EFL1: variants seen among roughly 807,000 people sequenced by gnomAD.
EFL1 encodes elongation factor like GTPase 1, also known as elongation factor-like GTPase 1.
In EFL1, 76 loss-of-function variants were observed where a neutral mutation model predicts 126.7. The observed-to-expected ratio is 0.60, with a 90% CI of 0.50 to 0.73. The LOEUF (loss-of-function observed/expected upper bound fraction) is 0.73. Ranked by LOEUF, EFL1 falls within the 30% of genes least tolerant of loss-of-function variation. The pLI, the probability that EFL1 is intolerant of heterozygous loss-of-function variation, is 0.00. For synonymous variants in EFL1, 410 were observed against 448.4 expected, an observed-to-expected ratio of 0.91 and a Z score of 1.08; for missense variants, 1,128 against 1,343.2, an observed-to-expected ratio of 0.84 and a Z score of 2.50.
intron 15 of EFL1, among the ~76,000 whole-genome samples, chr15:82,178,074 C>CTAT (rs898505167): frequency 6.6e-6 from 1 of 152,192 alleles, no homozygotes; most frequent in African/African-American, 2.4e-5. Context: ...CCCCTTTACT[C>CTAT]TATCAGGGAT....
At chr15:82,216,381 T>C (rs1272053128) in intron 14 of EFL1, among the ~76,000 whole-genome samples, 1 of 152,048 alleles carries the variant, frequency 6.6e-6, no homozygotes, top group Non-Finnish European at 1.5e-5. Context: ...AAGCTGACCA[T>C]AAACTTGATA....
chr15:82,179,016 C>A (rs564651258), intron 15 of EFL1, among the ~76,000 whole-genome samples: 1 of 152,082 alleles, frequency 6.6e-6, no homozygotes, highest in African/African-American at 2.4e-5. Context: ...TGGTGGCACA[C>A]GCCTGTAGTC....
intron 19 of EFL1, among the ~76,000 whole-genome samples, chr15:82,135,886 G>T (rs1012118584): frequency 6.6e-6 from 1 of 152,164 alleles, no homozygotes; most frequent in African/African-American, 2.4e-5. Flanking sequence ...ACAATCAGTG[G>T]GAGCTAAGTG....
intron 3 of EFL1, among the ~76,000 whole-genome samples, chr15:82,253,715 C>T: frequency 6.6e-6 from 1 of 152,202 alleles, no homozygotes; most frequent in Non-Finnish European, 1.5e-5. Context: ...AAAAAGAATA[C>T]AGTAGAAAAT....
intron 15 of EFL1, among the ~76,000 whole-genome samples, chr15:82,199,325 G>GAGAGAA (rs1312047835): frequency 6.7e-6 from 1 of 150,334 alleles, no homozygotes; most frequent in African/African-American, 2.5e-5. Flanking sequence ...GAAAGAGAGA[G>GAGAGAA]AGAGAAAGAG....
chr15:82,187,125 A>C (rs1348414125), intron 15 of EFL1, among the ~76,000 whole-genome samples: 3 of 152,174 alleles, frequency 2.0e-5, no homozygotes, highest in African/African-American at 7.2e-5. Context: ...TCATCTTACA[A>C]AGGAAGTTTG....
At chr15:82,214,270 C>G (rs1567065839) in intron 15 of EFL1, among the ~76,000 whole-genome samples, 1 of 152,116 alleles carries the variant, frequency 6.6e-6, no homozygotes, top group Non-Finnish European at 1.5e-5. Context: ...CAGATATAAA[C>G]GACGATCAAC....
Position 82,163,999 on chromosome 15 carries a change from G to A in EFL1, c.1751-15C>T. The stretch of plus-strand genomic sequence containing the variant: ...GCCTCCTATTCCTGTAGGAAGAAAA[G>A]ATCCATACGGTCAATAAGGGATGAT... On this transcript the variant is annotated splice_polypyrimidine_tract_variant and intron_variant, in intron 15 of 19. Coordinates refer to ENST00000268206, the MANE Select transcript of EFL1 (RefSeq NM_024580.6). 2 of 1,613,038 alleles carry A rather than the reference G, an allele frequency of 1.2e-6. No homozygotes were observed.
At position 82,130,431 on chromosome 15, in the gene EFL1, A is replaced by G; in HGVS notation, c.3305T>C (p.Val1102Ala). The part of the protein sequence containing the change: ...NAVRKRKGLY[V>A]EEKIVEHAEK... ...TGCATGCTCCACAATCTTTTCTTCC[A>G]CATAAAGCCCCTTCCGCTTTCGTAC... Residue 1102 changes from valine (V) to alanine (A), a missense_variant, in exon 20 of 20, where the codon GTG (valine) becomes GCG (alanine). Val to Ala is a moderately conservative substitution (Grantham distance 64). Coordinates refer to ENST00000268206, the MANE Select transcript of EFL1 (RefSeq NM_024580.6). 1 of 1,614,092 alleles carries G rather than the reference A, an allele frequency of 6.2e-7. No individual in the cohort carries two copies. Among genetic ancestry groups the G allele is most frequent in the Non-Finnish European group, 8.5e-7 (1 of 1,180,014 alleles).
At chr15:82,176,728 T>G (rs2074199611) in intron 15 of EFL1, among the ~76,000 whole-genome samples, 1 of 152,204 alleles carries the variant, frequency 6.6e-6, no homozygotes, top group Non-Finnish European at 1.5e-5. Flanking sequence ...CATAAAGTGG[T>G]ACATTGACTA....
At chr15:82,131,778 G>A (rs535510953) in intron 19 of EFL1, among the ~76,000 whole-genome samples, 2 of 152,152 alleles carry the variant, frequency 1.3e-5, no homozygotes, top group South Asian at 2.1e-4. Flanking sequence ...GGCAACAAGA[G>A]TGAAACTCTG....
chr15:82,213,215 T>C (rs1201507970), intron 15 of EFL1, among the ~76,000 whole-genome samples: 5 of 152,238 alleles, frequency 3.3e-5, no homozygotes, highest in Admixed American at 1.3e-4. Flanking sequence ...GGCTTAGTCT[T>C]ATATAAGTAA....
chr15:82,218,888 T>C (rs1173052775), intron 14 of EFL1, among the ~76,000 whole-genome samples: 1 of 152,114 alleles, frequency 6.6e-6, no homozygotes, highest in East Asian at 1.9e-4. Context: ...CTCTCACTTG[T>C]AGCCAAGTAC....
chr15:82,248,137 T>A (rs1234243455), intron 4 of EFL1, among the ~76,000 whole-genome samples: 3 of 152,132 alleles, frequency 2.0e-5, no homozygotes, highest in Non-Finnish European at 2.9e-5. Flanking sequence ...CTGTGAAGAT[T>A]AAACAAAATC....
chr15:82,197,213 C>T (rs1595976762), intron 15 of EFL1, among the ~76,000 whole-genome samples: 1 of 152,154 alleles, frequency 6.6e-6, no homozygotes, highest in African/African-American at 2.4e-5. Flanking sequence ...CTACTAATTG[C>T]TCATTTTGTT....
chr15:82,192,594 G>A (rs1169933469), intron 15 of EFL1, among the ~76,000 whole-genome samples: 1 of 152,080 alleles, frequency 6.6e-6, no homozygotes, highest in Non-Finnish European at 1.5e-5. Context: ...TTAACCAAGA[G>A]CTTTAATAAA....
intron 4 of EFL1, among the ~76,000 whole-genome samples, chr15:82,245,445 T>C (rs2074963410): frequency 6.6e-6 from 1 of 152,126 alleles, no homozygotes; most frequent in Admixed American, 6.5e-5. Flanking sequence ...TGGTTTCCTT[T>C]TATATCTTAA....
Position 82,157,737 on chromosome 15 carries a change from C to T in EFL1, c.2006G>A (p.Arg669Gln), listed in dbSNP as rs1490948273. 1.9e-6 allele frequency: 3 copies of T among 1,613,010 alleles called. No individual in the cohort carries two copies. Among genetic ancestry groups the T allele is most frequent in the Non-Finnish European group, 1.7e-6 (2 of 1,179,368 alleles). Residue 669 changes from arginine to glutamine, a missense_variant, in exon 17 of 20, where the codon CGA (arginine) becomes CAA (glutamine). This residue lies in a region of EFL1 where 561 missense variants were observed against 641.7 expected (regional missense o/e 0.87). Transcript: ENST00000268206. ...LVTAGEVHLQRCLDDLKERFA... is the reference protein window; with the variant it reads ...LVTAGEVHLQQCLDDLKERFA... ...CCTTTCTTTTAAGTCATCCAGGCAT[C>T]GCTGAAGGTGGACTTCTCCTGCTGT... is the stretch of plus-strand genomic sequence containing the variant.
chr15:82,223,059 A>T (rs1470862793), intron 12 of EFL1, among the ~76,000 whole-genome samples: 1 of 152,134 alleles, frequency 6.6e-6, no homozygotes, highest in Non-Finnish European at 1.5e-5. Context: ...TAGGGAAAAA[A>T]TTTTTTAGGC....
Sources: allele counts gnomAD v4.1 joint callset (sites outside exome capture counted in the v4.1 genomes callset), GRCh38; gene constraint gnomAD v4.1.1; regional missense constraint gnomAD v4.1.1; transcripts MANE v1.5; gene names NCBI Gene and HGNC (gene_info 2026-07-23, HGNC 2026-07-21).